The following NTAQ1 variants were observed in gnomAD, a reference collection of about 807,000 sequenced individuals.
NTAQ1 encodes the protein protein N-terminal glutamine amidohydrolase.
Under a neutral mutation model 28.2 loss-of-function variants are expected in NTAQ1, and 21 were observed. That is an observed-to-expected ratio of 0.74 (90% CI 0.53 to 1.07). The LOEUF (loss-of-function observed/expected upper bound fraction) is 1.07. Among genes scored for constraint, NTAQ1 ranks in the 50% least tolerant of loss-of-function variants. The probability of loss-of-function intolerance (pLI) is 0.00; values close to 1 mark genes in which losing one functional copy is unlikely to be tolerated. For missense variants in NTAQ1, 264 were observed against 256.6 expected, an observed-to-expected ratio of 1.03 and a Z score of -0.20; for synonymous variants, 105 against 90.0, an observed-to-expected ratio of 1.17 and a Z score of -0.94.
At chr8:123,454,054 T>A (rs1266808838) in intron 6 of NTAQ1, among the ~76,000 whole-genome samples, 2 of 152,218 alleles carry the variant, frequency 1.3e-5, no homozygotes, top group Admixed American at 1.3e-4. Context: ...ATGGTCGGGA[T>A]GAAGTGTCCT....
At chr8:123,468,716 ATATC>A (rs1311783513) in exon 7 of NTAQ1, among the ~76,000 whole-genome samples, 1 of 152,232 alleles carries the variant, frequency 6.6e-6, no homozygotes, top group Non-Finnish European at 1.5e-5. Context: ...TTTTGGATAT[ATATC>A]AAGGAATGGG....
intron 6 of NTAQ1, among the ~76,000 whole-genome samples, chr8:123,455,512 G>A (rs934055329): frequency 1.4e-5 from 2 of 145,138 alleles, no homozygotes; most frequent in Non-Finnish European, 3.0e-5. Context: ...TACAACCGTC[G>A]CCTCCTGGGT....
intron 6 of NTAQ1, among the ~76,000 whole-genome samples, chr8:123,447,705 C>G (rs1349130668): frequency 1.3e-5 from 2 of 152,194 alleles, no homozygotes; most frequent in Non-Finnish European, 2.9e-5. Context: ...TGCTTTCTAA[C>G]TGCATACATT....
chr8:123,421,103 A>G lies in NTAQ1; in HGVS notation c.83+4171A>G, dbSNP rs548643066. ...CCCGGCCTATTTATTCATTTTTTTG[A>G]GACAGAATCTCACTCTGTCACCCAG... On this transcript the variant is annotated intron_variant, in intron 1 of 5. Transcript: ENST00000287387. 3.6e-4 allele frequency among the ~76,000 whole-genome samples: 54 copies of G among 148,604 alleles called. 2 individuals are homozygous for G. The South Asian group carries it at 0.012, about 32-fold the overall frequency.
chr8:123,421,825 G>A (rs181417177), intron 1 of NTAQ1, among the ~76,000 whole-genome samples: 2,105 of 150,456 alleles, frequency 0.014, 50 homozygotes, highest in African/African-American at 0.048. Context: ...AGTAGCTGGG[G>A]CTGCAGGTGT....
chr8:123,432,749 G>A (rs746216029), intron 3 of NTAQ1, among the ~76,000 whole-genome samples: 3 of 149,208 alleles, frequency 2.0e-5, no homozygotes, highest in Admixed American at 6.7e-5. Context: ...GTGTGATCTC[G>A]GCTCACTGCA....
downstream of NTAQ1, among the ~76,000 whole-genome samples, chr8:123,471,749 A>G (rs975685448): frequency 3.9e-5 from 6 of 152,182 alleles, no homozygotes; most frequent in Non-Finnish European, 5.9e-5. Context: ...TAGACCTTCA[A>G]TGATTGGATG....
exon 7 of NTAQ1, among the ~76,000 whole-genome samples, chr8:123,469,471 A>G (rs1024734832): frequency 3.3e-5 from 5 of 152,208 alleles, no homozygotes; most frequent in Non-Finnish European, 4.4e-5. Context: ...CCCACTGATA[A>G]TGTGAACTTA....
intron 6 of NTAQ1, among the ~76,000 whole-genome samples, chr8:123,458,061 T>A (rs113068053): frequency 8.9e-5 from 10 of 112,064 alleles, no homozygotes; most frequent in Middle Eastern, 6.5e-3. Flanking sequence ...AGATTTAAAA[T>A]AAAAAAAAAA....
intron 6 of NTAQ1, among the ~76,000 whole-genome samples, chr8:123,455,366 ACC>A (rs1815618031): frequency 6.6e-6 from 1 of 150,570 alleles, no homozygotes; most frequent in Non-Finnish European, 1.5e-5. Flanking sequence ...TCCAGCGAGG[ACC>A]TGTAGTGAGC....
intron 6 of NTAQ1, among the ~76,000 whole-genome samples, chr8:123,453,645 C>T (rs796790997): frequency 3.9e-5 from 6 of 152,166 alleles, no homozygotes; most frequent in African/African-American, 1.4e-4. Flanking sequence ...AGGCTGCTCT[C>T]GAATTCCTGA....
intron 6 of NTAQ1, among the ~76,000 whole-genome samples, chr8:123,466,088 A>T (rs1164485741): frequency 6.6e-6 from 1 of 152,128 alleles, no homozygotes; most frequent in East Asian, 1.9e-4. Context: ...ATTGCCAGAG[A>T]ACCAGGGGCT....
intron 5 of NTAQ1, among the ~76,000 whole-genome samples, chr8:123,437,938 C>T (rs75748244): frequency 0.012 from 1,774 of 152,224 alleles, 32 homozygotes; most frequent in African/African-American, 0.04. Context: ...TCAGGATACT[C>T]GCATGCTTGT....
intron 5 of NTAQ1, 111 bp from the exon 6 acceptor site, chr8:123,441,195 C>T (rs1815045583): frequency 2.6e-6 from 2 of 757,150 alleles, no homozygotes; most frequent in East Asian, 2.7e-5. Flanking sequence ...TGACATTGAG[C>T]CCTTATCCAT....
At chr8:123,422,239 A>G (rs956924778) in intron 1 of NTAQ1, among the ~76,000 whole-genome samples, 1 of 151,014 alleles carries the variant, frequency 6.6e-6, no homozygotes, top group African/African-American at 2.4e-5. Context: ...ATAGTTTGCA[A>G]ATATTTTCTT....
intron 2 of NTAQ1, among the ~76,000 whole-genome samples, chr8:123,429,772 T>A (rs1054347324): frequency 4.0e-5 from 6 of 150,522 alleles, no homozygotes; most frequent in African/African-American, 1.5e-4. Context: ...CCCAGCTACT[T>A]GGGAAACTGA....
At position 123,461,528 on chromosome 8, in the gene NTAQ1, GC is replaced by G. The variant is rs149737136; in HGVS notation, c.373-5548del. 6.5e-3 allele frequency among the ~76,000 whole-genome samples: 982 copies of G among 152,148 alleles called. 17 individuals are homozygous for G. The highest frequency in any genetic ancestry group is 0.023 in the African/African-American group (938 of 41,508). On this transcript the variant is annotated intron_variant, in intron 6 of 6. Transcript: ENST00000650311. ...AGTATGTAACAAATCTAGGACTTTA[GC>G]CCAGCTTTCCTTAGCCCCAGCCTGG...
downstream of NTAQ1, among the ~76,000 whole-genome samples, chr8:123,446,858 G>T (rs1815312432): frequency 6.6e-6 from 1 of 152,212 alleles, no homozygotes; most frequent in South Asian, 2.1e-4. Context: ...TGATTGGTTG[G>T]AGGAGTATGT....
At chr8:123,445,711 T>C (rs1297069348), downstream of NTAQ1, among the ~76,000 whole-genome samples, 1 of 152,146 alleles carries the variant, frequency 6.6e-6, no homozygotes, top group African/African-American at 2.4e-5. Context: ...GTTGAAGTGA[T>C]TCTCCTGCCT....
Sources: allele counts gnomAD v4.1 joint callset (sites outside exome capture counted in the v4.1 genomes callset), GRCh38; gene constraint gnomAD v4.1.1; transcripts MANE v1.5; gene names NCBI Gene and HGNC (gene_info 2026-07-23, HGNC 2026-07-21).